MCC: variants seen among roughly 807,000 people sequenced by gnomAD.
MCC encodes the protein colorectal mutant cancer protein.
MCC carries 90 observed loss-of-function variants against 116.2 expected under a neutral mutation model. The ratio of observed to expected loss-of-function variants is 0.77; its 90% confidence interval spans 0.65 to 0.92. The LOEUF (loss-of-function observed/expected upper bound fraction) is 0.92, where lower values mean the gene tolerates loss of function less well. Among genes scored for constraint, MCC ranks in the 40% least tolerant of loss-of-function variants. MCC has a pLI of 0.00. For synonymous variants in MCC, 578 were observed against 510.5 expected (o/e 1.13, Z -1.78); for missense variants, 1,516 against 1,312.2 (o/e 1.16, Z -2.40).
At chr5:113,446,609 G>A (rs1157620645) in intron 1 of MCC, among the ~76,000 whole-genome samples, 2 of 152,196 alleles carry the variant, frequency 1.3e-5, no homozygotes, top group Non-Finnish European at 2.9e-5. Context: ...ATGCTGGTGA[G>A]GCTGTAGAGA....
At position 113,239,633 on chromosome 5, in the gene MCC, C is replaced by T. The variant is rs573264653; in HGVS notation, c.628-88211G>A. On this transcript the variant is annotated intron_variant, in intron 3 of 18. Transcript: ENST00000408903. ...TAATGTCCAGATGGGGAAGAGGACTCGAGTTCTGAGACTTCAAAGTGCTGC... is the reference window on the plus strand; with the variant it reads ...TAATGTCCAGATGGGGAAGAGGACTTGAGTTCTGAGACTTCAAAGTGCTGC... Among the ~76,000 whole-genome samples, 6 of 152,242 alleles carry T rather than the reference C, an allele frequency of 3.9e-5. No homozygotes were observed. In the East Asian group the frequency reaches 9.6e-4, roughly 24 times the overall value.
intron 1 of MCC, among the ~76,000 whole-genome samples, chr5:113,424,529 T>C (rs1362421108): frequency 1.3e-5 from 2 of 152,122 alleles, no homozygotes; most frequent in South Asian, 2.1e-4. Context: ...AGCCTCACCA[T>C]CATGGTGAAA....
chr5:113,134,830 T>C (rs143509630), intron 5 of MCC, among the ~76,000 whole-genome samples: 2 of 152,128 alleles, frequency 1.3e-5, no homozygotes, highest in Admixed American at 6.5e-5. Flanking sequence ...CATAAATAGA[T>C]TAACAATATT....
chr5:113,156,029 T>C (rs1760151390), intron 3 of MCC, among the ~76,000 whole-genome samples: 1 of 152,172 alleles, frequency 6.6e-6, no homozygotes, highest in Admixed American at 6.5e-5. Context: ...GTATCTTATG[T>C]GATGGATGGA....
chr5:113,034,951 C>CA (rs1751232373), intron 17 of MCC, among the ~76,000 whole-genome samples: 2 of 152,206 alleles, frequency 1.3e-5, no homozygotes, highest in African/African-American at 2.4e-5. Context: ...AGGACTTGGG[C>CA]CTGGCCTGTA....
At chr5:113,039,741 A>G (rs926326447) in intron 17 of MCC, among the ~76,000 whole-genome samples, 1 of 128,996 alleles carries the variant, frequency 7.8e-6, no homozygotes, top group African/African-American at 3.0e-5. Context: ...CCAGGATCAC[A>G]TGGAGAGCAG....
At chr5:113,088,673 A>G (rs1755374374) in intron 8 of MCC, among the ~76,000 whole-genome samples, 1 of 152,118 alleles carries the variant, frequency 6.6e-6, no homozygotes, top group African/African-American at 2.4e-5. Flanking sequence ...ACCAAGAGCT[A>G]TCAGAAGTTC....
At chr5:113,394,111 C>T (rs993481404) in intron 1 of MCC, among the ~76,000 whole-genome samples, 1 of 152,108 alleles carries the variant, frequency 6.6e-6, no homozygotes, top group Non-Finnish European at 1.5e-5. Flanking sequence ...TTCATCATCT[C>T]GTACCCTTTC....
intron 17 of MCC, among the ~76,000 whole-genome samples, chr5:113,029,588 C>T (rs1188324608): frequency 6.6e-6 from 1 of 152,108 alleles, no homozygotes; most frequent in African/African-American, 2.4e-5. Context: ...GTCCTTATTT[C>T]CCATGAAATT....
At chr5:113,298,098 G>A (rs1015438050) in intron 3 of MCC, among the ~76,000 whole-genome samples, 10 of 152,292 alleles carry the variant, frequency 6.6e-5, no homozygotes, top group African/African-American at 2.4e-4. Flanking sequence ...AAATAAAACC[G>A]TGAAATCAGG....
chr5:113,177,227 C>G (rs1337658586), intron 3 of MCC, among the ~76,000 whole-genome samples: 5 of 152,150 alleles, frequency 3.3e-5, no homozygotes, highest in Non-Finnish European at 7.4e-5. Flanking sequence ...TCTTTGGTCT[C>G]CTCTAGTAGT....
chr5:113,402,289 G>C (rs1426192828), intron 1 of MCC, among the ~76,000 whole-genome samples: 1 of 86,794 alleles, frequency 1.2e-5, no homozygotes, highest in African/African-American at 7.9e-5. Context: ...GCCAGACTCC[G>C]TCTCAAAAAA....
At chr5:113,122,345 T>C (rs1210201380) in intron 6 of MCC, among the ~76,000 whole-genome samples, 4 of 152,214 alleles carry the variant, frequency 2.6e-5, no homozygotes, top group African/African-American at 7.2e-5. Flanking sequence ...TCCACTGCAA[T>C]GTGTTGGCCC....
At chr5:113,181,223 A>G (rs1488151766) in intron 3 of MCC, among the ~76,000 whole-genome samples, 1 of 152,232 alleles carries the variant, frequency 6.6e-6, no homozygotes, top group Non-Finnish European at 1.5e-5. Context: ...GCTTACAGAA[A>G]GCCTGGATGT....
At chr5:113,089,547 A>G (rs957064692) in intron 8 of MCC, among the ~76,000 whole-genome samples, 7 of 152,350 alleles carry the variant, frequency 4.6e-5, no homozygotes, top group African/African-American at 1.4e-4. Context: ...TAAGGATGGC[A>G]AAATACACTC....
chr5:113,022,514 T>G lies in MCC; in HGVS notation c.*4788A>C, dbSNP rs886846828. 6.6e-6 allele frequency: 1 copy of G among 152,526 alleles called. No homozygotes were observed. The highest frequency in any genetic ancestry group is 6.5e-5 in the Admixed American group (1 of 15,282). 9.4% of individuals were successfully genotyped at this position (152,526 alleles called of 1,614,324 possible). On this transcript the variant is annotated 3_prime_UTR_variant, in exon 19 of 19. Transcript: ENST00000408903. ...TTGATGTCTAAAAACTGATTAGAACTAGAAAAGAAGTGGACATGTTTTATT... is the reference window on the plus strand; with the variant it reads ...TTGATGTCTAAAAACTGATTAGAACGAGAAAAGAAGTGGACATGTTTTATT...
intron 3 of MCC, among the ~76,000 whole-genome samples, chr5:113,161,786 A>C (rs2080694542): frequency 1.3e-5 from 2 of 152,260 alleles, no homozygotes; most frequent in South Asian, 4.1e-4. Flanking sequence ...GAGTTATCCA[A>C]GATGTCAGCT....
chr5:113,140,880 G>A (rs1759137888), intron 5 of MCC, among the ~76,000 whole-genome samples: 1 of 152,168 alleles, frequency 6.6e-6, no homozygotes, highest in Non-Finnish European at 1.5e-5. Context: ...GCCCATCACA[G>A]CATATTAAGA....
At chr5:113,379,843 A>C (rs1045576622) in intron 2 of MCC, among the ~76,000 whole-genome samples, 1 of 152,196 alleles carries the variant, frequency 6.6e-6, no homozygotes, top group East Asian at 1.9e-4. Context: ...TAGTCAATTA[A>C]GTGTGGAAAA....
Sources: gnomAD v4.1 joint callset for allele counts (sites outside exome capture counted in the v4.1 genomes callset) on GRCh38, gnomAD v4.1.1 for gene constraint, MANE v1.5 for transcripts, NCBI Gene and HGNC (gene_info 2026-07-23, HGNC 2026-07-21) for gene names.